The following ATP9B variants were observed in gnomAD, a reference collection of about 807,000 sequenced individuals.
ATP9B encodes ATPase phospholipid transporting 9B.
ATP9B carries 110 observed loss-of-function variants against 146.1 expected under a neutral mutation model. The observed-to-expected ratio is 0.75, with a 90% CI of 0.65 to 0.88. The LOEUF (loss-of-function observed/expected upper bound fraction) is 0.88, where lower values mean the gene tolerates loss of function less well. Ranked by LOEUF, ATP9B falls within the 40% of genes least tolerant of loss-of-function variation. The pLI is 0.00. For missense variants in ATP9B, 1,499 were observed against 1,496.4 expected (o/e 1.00, Z -0.03); for synonymous variants, 604 against 569.7 (o/e 1.06, Z -0.86).
chr18:79,193,414 G>T (rs1380512197), intron 9 of ATP9B, 151 bp downstream of exon 9: 5 of 639,182 alleles, frequency 7.8e-6, no homozygotes, highest in Non-Finnish European at 1.3e-5. Flanking sequence ...GTTCTTAAGT[G>T]TACCCATATT....
intron 19 of ATP9B, among the ~76,000 whole-genome samples, chr18:79,337,996 C>T (rs916338699): frequency 1.2e-4 from 18 of 152,258 alleles, no homozygotes; most frequent in Middle Eastern, 3.4e-3. Context: ...TGTGACGGCA[C>T]GTGTTCCATG....
At chr18:79,225,652 C>T (rs1190412303) in intron 11 of ATP9B, among the ~76,000 whole-genome samples, 3 of 138,776 alleles carry the variant, frequency 2.2e-5, no homozygotes, top group Admixed American at 7.2e-5. Flanking sequence ...CCCGCAGTCG[C>T]AGGGCGGCCA....
At chr18:79,268,483 T>G (rs2096225563) in intron 12 of ATP9B, among the ~76,000 whole-genome samples, 1 of 152,220 alleles carries the variant, frequency 6.6e-6, no homozygotes, top group South Asian at 2.1e-4. Flanking sequence ...TCCAGCAGTT[T>G]AGAAGTTATG....
rs529018369 is a variant in ATP9B, at chr18:79,154,120, A to AT, written c.727-378dup. Among the ~76,000 whole-genome samples, 199 of 122,058 alleles carry AT rather than the reference A, an allele frequency of 1.6e-3. 1 individual carries two copies. Among genetic ancestry groups the AT allele is most frequent in the African/African-American group, 7.3e-3 (188 of 25,906 alleles). The allele number at this position is 122,058 out of a possible 152,430, so 80.1% of individuals were successfully genotyped here. A position where few individuals can be genotyped will look rare whatever the true frequency, so the allele number is the denominator to read the frequency against. Reference sequence around the variant, plus strand: ...AGGTGCCTGCCACCACGCCCAGCTAATTTTTTGCATTTTTTTTTTTTTAGT... The same window carrying AT: ...AGGTGCCTGCCACCACGCCCAGCTAATTTTTTTGCATTTTTTTTTTTTTAGT... On this transcript the variant is annotated intron_variant, in intron 6 of 29. Coordinates refer to ENST00000426216, the MANE Select transcript of ATP9B (RefSeq NM_198531.5).
chr18:79,160,972 G>A (rs998367007), intron 7 of ATP9B, among the ~76,000 whole-genome samples: 15 of 152,068 alleles, frequency 9.9e-5, no homozygotes, highest in African/African-American at 2.4e-4. Context: ...GTTTTACCAC[G>A]TTGGCCAGGC....
chr18:79,375,320 T>C, intron 28 of ATP9B, 74 bp from the exon 29 acceptor site: 2 of 1,341,314 alleles, frequency 1.5e-6, no homozygotes, highest in Non-Finnish European at 2.1e-6. Flanking sequence ...TCTTATTCTT[T>C]TGCTAACCCC....
intron 1 of ATP9B, chr18:79,078,248 G>A (rs1254783072): frequency 1.3e-5 from 2 of 152,222 alleles, no homozygotes; most frequent in Non-Finnish European, 2.9e-5. Context: ...CCTTTTCCTG[G>A]TCCTTTGGCT....
At position 79,376,015 on chromosome 18, in the gene ATP9B, G is replaced by A. The variant is rs1051385859; in HGVS notation, c.3307+589G>A. The stretch of plus-strand genomic sequence containing the variant: ...GTCCTGGTGAGTAGATGGTTCTTCT[G>A]TGGAGATGCTGGGAGGGTGACAGGC... On this transcript the variant is annotated intron_variant, in intron 29 of 29. Coordinates refer to ENST00000426216, the MANE Select transcript of ATP9B (RefSeq NM_198531.5). The A allele has an allele frequency of 5.1e-6, 5 of 985,180 alleles. No homozygotes were observed. The African/African-American group carries it at 8.7e-5, about 17-fold the overall frequency. 61.0% of individuals were successfully genotyped at this position (985,180 alleles called of 1,614,324 possible). A position where few individuals can be genotyped will look rare whatever the true frequency, so the allele number is the denominator to read the frequency against.
intron 17 of ATP9B, among the ~76,000 whole-genome samples, chr18:79,335,566 G>T (rs1026603528): frequency 1.3e-5 from 2 of 152,178 alleles, no homozygotes; most frequent in Admixed American, 6.5e-5. Flanking sequence ...ATCAGGCCCC[G>T]TGACTCCTGC....
intron 8 of ATP9B, among the ~76,000 whole-genome samples, chr18:79,177,852 C>G (rs1484642522): frequency 3.9e-5 from 6 of 152,198 alleles, no homozygotes; most frequent in Non-Finnish European, 7.3e-5. Flanking sequence ...TGAAGTGCTG[C>G]TCAGATGATT....
intron 7 of ATP9B, among the ~76,000 whole-genome samples, chr18:79,172,818 TG>T (rs1344005883): frequency 6.6e-6 from 1 of 152,284 alleles, no homozygotes; most frequent in African/African-American, 2.4e-5. Context: ...TACAGGTTTT[TG>T]TTATAAATAA....
intron 1 of ATP9B, among the ~76,000 whole-genome samples, chr18:79,077,368 G>A (rs2072743103): frequency 6.6e-6 from 1 of 152,122 alleles, no homozygotes; most frequent in Non-Finnish European, 1.5e-5. Context: ...CCATGTGACT[G>A]CTGGCTCCCC....
intron 4 of ATP9B, among the ~76,000 whole-genome samples, chr18:79,122,073 A>T (rs902871533): frequency 2.0e-5 from 3 of 152,152 alleles, no homozygotes; most frequent in African/African-American, 7.2e-5. Context: ...CTTCCCTGGA[A>T]ATTAGAGGTA....
At chr18:79,164,010 C>A (rs1216872366) in intron 7 of ATP9B, among the ~76,000 whole-genome samples, 1 of 152,026 alleles carries the variant, frequency 6.6e-6, no homozygotes, top group Non-Finnish European at 1.5e-5. Flanking sequence ...TCTCGAACTC[C>A]TGGGCTCAAG....
At chr18:79,153,547 A>C (rs1403505297) in intron 6 of ATP9B, among the ~76,000 whole-genome samples, 2 of 152,160 alleles carry the variant, frequency 1.3e-5, no homozygotes, top group Non-Finnish European at 1.5e-5. Context: ...ATTTAGTCTA[A>C]TAGGGAGGAC....
rs2094543645 is a variant in ATP9B at position 79,143,793 on chromosome 18, T to G, written c.668-9T>G. ...TCCTTGAGTTGACTGTACTTCTTCT[T>G]TTTTTAAGGTAAAGTGCAAGTTAAG... On this transcript the variant is annotated splice_polypyrimidine_tract_variant and intron_variant, in intron 5 of 29. Coordinates refer to ENST00000426216, the MANE Select transcript of ATP9B (RefSeq NM_198531.5). 1 of 1,562,772 alleles carries G rather than the reference T, an allele frequency of 6.4e-7. No homozygotes were observed. The highest frequency in any genetic ancestry group is 8.7e-7 in the Non-Finnish European group (1 of 1,155,560).
intron 13 of ATP9B, among the ~76,000 whole-genome samples, chr18:79,289,902 TAGC>T (rs1343329098): frequency 1.3e-5 from 2 of 152,202 alleles, no homozygotes; most frequent in African/African-American, 2.4e-5. Context: ...GTCTGGGTAT[TAGC>T]AGCAGTGGGT....
At chr18:79,081,354 A>C (rs1384056335) in intron 1 of ATP9B, among the ~76,000 whole-genome samples, 1 of 151,922 alleles carries the variant, frequency 6.6e-6, no homozygotes, top group African/African-American at 2.4e-5. Flanking sequence ...TTGGGAGGGT[A>C]TATGTGTCCA....
chr18:79,220,785 A>G (rs1017022979), intron 11 of ATP9B, among the ~76,000 whole-genome samples: 3 of 152,204 alleles, frequency 2.0e-5, no homozygotes, highest in Non-Finnish European at 2.9e-5. Flanking sequence ...TACCACATTT[A>G]TAGAGTTATC....
Sources: gnomAD v4.1 joint callset for allele counts (sites outside exome capture counted in the v4.1 genomes callset) on GRCh38, gnomAD v4.1.1 for gene constraint, MANE v1.5 for transcripts, NCBI Gene and HGNC (gene_info 2026-07-23, HGNC 2026-07-21) for gene names.